The following PCBP3 variants were observed in gnomAD, a reference collection of about 807,000 sequenced individuals.
The protein encoded by PCBP3 is poly(rC) binding protein 3, also known as poly(rC)-binding protein 3.
In PCBP3, 25 loss-of-function variants were observed where a neutral mutation model predicts 52.7. The observed-to-expected ratio is 0.47, with a 90% CI of 0.35 to 0.66. The LOEUF is 0.66. PCBP3 is among the 30% of genes least tolerant of loss of function. The probability of loss-of-function intolerance (pLI) is 0.01; values close to 1 mark genes in which losing one functional copy is unlikely to be tolerated. For missense variants in PCBP3, 391 were observed against 490.3 expected (o/e 0.80, Z 1.91); for synonymous variants, 162 against 183.0 (o/e 0.89, Z 0.93).
rs148256814 is a variant in PCBP3 at position 45,936,114 on chromosome 21, G to A, written c.909+809G>A. Among the ~76,000 whole-genome samples the A allele has an allele frequency of 1.8e-3, 281 of 152,322 alleles. 2 individuals are homozygous for A. Among genetic ancestry groups the A allele is most frequent in the African/African-American group, 6.2e-3 (257 of 41,566 alleles). ...ACTGTTCTGCCCCTTTACACCTGCT[G>A]GGCAGGAAATCTAAGCCCTGTTCCT... is the stretch of plus-strand genomic sequence containing the variant. On this transcript the variant is annotated intron_variant, in intron 16 of 17. Transcript: ENST00000681687.
chr21:45,705,842 C>T (rs1457508963), intron 2 of PCBP3, among the ~76,000 whole-genome samples: 1 of 152,102 alleles, frequency 6.6e-6, no homozygotes, highest in East Asian at 1.9e-4. Context: ...TGCTGTGAGC[C>T]CAGGAGGCAG....
chr21:45,708,247 A>G (rs976870551), intron 2 of PCBP3, among the ~76,000 whole-genome samples: 1 of 152,202 alleles, frequency 6.6e-6, no homozygotes, highest in African/African-American at 2.4e-5. Context: ...CTCAAGGGCT[A>G]GAGTGGTGCT....
In PCBP3 at chr21:45,653,976, C is replaced by T. The variant is rs184142756; in HGVS notation, c.-279+10108C>T. 3.3e-5 allele frequency among the ~76,000 whole-genome samples: 5 copies of T among 152,164 alleles called. No homozygotes were observed. In the East Asian group the frequency reaches 9.6e-4, roughly 29 times the overall value. ...ATGTAGTTATACCTTTATCTTTCTCCTAGACAGATCATAGTTTCTTAGAAG... is the reference window on the plus strand; with the variant it reads ...ATGTAGTTATACCTTTATCTTTCTCTTAGACAGATCATAGTTTCTTAGAAG... On this transcript the variant is annotated intron_variant, in intron 1 of 17. Transcript: ENST00000681687.
At position 45,800,851 on chromosome 21, in the gene PCBP3, T is replaced by G. The variant is rs564331507; in HGVS notation, c.-126+45399T>G. Among the ~76,000 whole-genome samples the G allele has an allele frequency of 1.3e-5, 2 of 148,152 alleles. No individual in the cohort carries two copies. Among genetic ancestry groups the G allele is most frequent in the Non-Finnish European group, 2.9e-5 (2 of 67,884 alleles). On this transcript the variant is annotated intron_variant, in intron 4 of 17. Coordinates refer to ENST00000681687, the MANE Select transcript of PCBP3 (RefSeq NM_001384156.1). This position sits in a 1 kb window ranked among gnomAD's most constrained non-coding sequence, Gnocchi z 5.3. ...CTGCATCCTCCTGGGAGATGGGGTG[T>G]TTGAGCATGGGGTTCCCGCCTCCTC...
rs1406462453 is a variant in PCBP3 at position 45,896,374 on chromosome 21, C to T, written c.165+12C>T. 4.5e-6 allele frequency: 7 copies of T among 1,551,106 alleles called. No individual in the cohort carries two copies. The highest frequency in any genetic ancestry group is 2.4e-5 in the East Asian group (1 of 40,910). On this transcript the variant is annotated intron_variant, in intron 6 of 17. Transcript: ENST00000681687. Reference sequence around the variant, plus strand: ...TGATGCATGGAAAGGTAAGAGGAGCCGCCATTGTCTCTGTAGGAAAGGCGG... The same window carrying T: ...TGATGCATGGAAAGGTAAGAGGAGCTGCCATTGTCTCTGTAGGAAAGGCGG...
intron 1 of PCBP3, among the ~76,000 whole-genome samples, chr21:45,645,317 C>A (rs2079185352): frequency 6.6e-6 from 1 of 151,976 alleles, no homozygotes; most frequent in South Asian, 2.1e-4. Context: ...ACTTACGTAG[C>A]TTCACGTATT....
At chr21:45,913,869 G>C in intron 11 of PCBP3, 82 bp from the exon 12 acceptor site, 2 of 1,299,198 alleles carry the variant, frequency 1.5e-6, no homozygotes, top group African/African-American at 2.9e-5. Context: ...GGCTGAGTGG[G>C]GTGGGCCGGG....
chr21:45,679,367 C>A (rs1397650375), intron 2 of PCBP3, among the ~76,000 whole-genome samples: 1 of 152,124 alleles, frequency 6.6e-6, no homozygotes, highest in Non-Finnish European at 1.5e-5. Context: ...GTGGTCCACT[C>A]ACCTCAGCTT....
At chr21:45,679,454 A>G (rs1459124295) in intron 2 of PCBP3, among the ~76,000 whole-genome samples, 1 of 152,172 alleles carries the variant, frequency 6.6e-6, no homozygotes, top group African/African-American at 2.4e-5. Context: ...AGGTATGTAC[A>G]TTGTTTTTAG....
At chr21:45,694,209 C>A (rs2082640073) in intron 2 of PCBP3, among the ~76,000 whole-genome samples, 1 of 151,978 alleles carries the variant, frequency 6.6e-6, no homozygotes, top group East Asian at 1.9e-4. Context: ...AACCAAATAG[C>A]AAGATGGTAG....
At chr21:45,738,290 T>A (rs1255553301) in intron 3 of PCBP3, among the ~76,000 whole-genome samples, 2 of 150,634 alleles carry the variant, frequency 1.3e-5, no homozygotes, top group Non-Finnish European at 3.0e-5. Context: ...AGTCTAGCTC[T>A]GTCGCCCAGG....
intron 9 of PCBP3, chr21:45,901,709 G>GAC (rs2096054924): frequency 7.7e-6 from 1 of 130,388 alleles, no homozygotes; most frequent in Admixed American, 6.8e-5. Flanking sequence ...GAGAGAGGAA[G>GAC]ACAGAGAGAG....
In PCBP3 at chr21:45,700,502, C is replaced by G. The variant is rs985746176; in HGVS notation, c.-200+31550C>G. The stretch of plus-strand genomic sequence containing the variant: ...AGTGAGGATGAGTACACAGCACCCC[C>G]TGTACTGTGATCTTGGGCCTGTGTC... On this transcript the variant is annotated intron_variant, in intron 2 of 17. Transcript: ENST00000681687. 3.9e-5 allele frequency among the ~76,000 whole-genome samples: 6 copies of G among 152,324 alleles called. No individual in the cohort carries two copies. In the East Asian group the frequency reaches 1.2e-3, roughly 29 times the overall value.
intron 9 of PCBP3, among the ~76,000 whole-genome samples, chr21:45,902,177 G>C (rs2096072626): frequency 6.6e-6 from 1 of 152,202 alleles, no homozygotes. Flanking sequence ...AGTTGGAACT[G>C]GGGATGCACA....
intron 1 of PCBP3, among the ~76,000 whole-genome samples, chr21:45,654,737 A>C (rs1388240037): frequency 6.6e-6 from 1 of 152,208 alleles, no homozygotes; most frequent in Admixed American, 6.5e-5. Context: ...TTCACACACT[A>C]TAAAATTCAC....
intron 3 of PCBP3, chr21:45,750,707 G>GA (rs764198968): frequency 1.3e-5 from 2 of 152,134 alleles, no homozygotes; most frequent in African/African-American, 4.8e-5. Flanking sequence ...CCAGATGTTT[G>GA]AAGGGCTCTA....
intron 17 of PCBP3, 96 bp downstream of exon 17, chr21:45,940,295 A>C: frequency 9.7e-7 from 1 of 1,030,418 alleles, no homozygotes; most frequent in East Asian, 2.5e-5. Context: ...GAGGAGGCAC[A>C]GTCTGGGCCA....
chr21:45,715,927 T>G (rs2084188642), intron 2 of PCBP3, among the ~76,000 whole-genome samples: 1 of 152,174 alleles, frequency 6.6e-6, no homozygotes, highest in East Asian at 1.9e-4. Context: ...GTGGGTTGAC[T>G]TTTTACTTTT....
At chr21:45,739,735 TG>T (rs2086274217) in intron 3 of PCBP3, among the ~76,000 whole-genome samples, 1 of 148,586 alleles carries the variant, frequency 6.7e-6, no homozygotes, top group Non-Finnish European at 1.5e-5. Flanking sequence ...CATTGTGCTC[TG>T]GGTGGACCCC....
Sources: gnomAD v4.1 joint callset for allele counts (sites outside exome capture counted in the v4.1 genomes callset) on GRCh38, gnomAD v4.1.1 for gene constraint, Gnocchi (gnomAD v3.1) non-coding constraint, MANE v1.5 for transcripts, NCBI Gene and HGNC (gene_info 2026-07-23, HGNC 2026-07-21) for gene names.